Variants in TNRC6B observed in about 807,000 individuals in gnomAD.
TNRC6B encodes trinucleotide repeat-containing gene 6B protein.
In TNRC6B, 52 loss-of-function variants were observed where a neutral mutation model predicts 203.6. That is an observed-to-expected ratio of 0.26 (90% CI 0.20 to 0.32). The LOEUF (loss-of-function observed/expected upper bound fraction) is 0.32, where lower values mean the gene tolerates loss of function less well. Among genes scored for constraint, TNRC6B ranks in the 10% least tolerant of loss-of-function variants. The probability of loss-of-function intolerance (pLI) is 1.00; values close to 1 mark genes in which losing one functional copy is unlikely to be tolerated. For synonymous variants in TNRC6B, 838 were observed against 845.7 expected, an observed-to-expected ratio of 0.99 and a Z score of 0.16; for missense variants, 1,923 against 2,286.2, an observed-to-expected ratio of 0.84 and a Z score of 3.24.
chr22:40,077,881 CAGTA>C (rs1262195834), intron 1 of TNRC6B, among the ~76,000 whole-genome samples: 1 of 152,150 alleles, frequency 6.6e-6, no homozygotes, highest in Non-Finnish European at 1.5e-5. Flanking sequence ...CTTTCTGTGT[CAGTA>C]AGTAGACTTC....
chr22:40,297,888 C>T (rs1362280226), intron 12 of TNRC6B, among the ~76,000 whole-genome samples: 2 of 151,338 alleles, frequency 1.3e-5, no homozygotes, highest in Non-Finnish European at 2.9e-5. Context: ...TTTGGGAGAC[C>T]GAGGCAGGTG....
intron 1 of TNRC6B, among the ~76,000 whole-genome samples, chr22:40,217,237 C>T (rs1643864811): frequency 6.6e-6 from 1 of 152,178 alleles, no homozygotes; most frequent in South Asian, 2.1e-4. Flanking sequence ...TACTTCTTAA[C>T]ACATGTCCTA....
intron 15 of TNRC6B, among the ~76,000 whole-genome samples, chr22:40,302,458 C>A (rs1372527185): frequency 2.0e-5 from 3 of 152,100 alleles, no homozygotes; most frequent in East Asian, 1.9e-4. Flanking sequence ...TGTAGTGAAA[C>A]CCTGTCCCTA....
In TNRC6B at chr22:40,125,413, G is replaced by A. The variant is rs571101518; in HGVS notation, c.-46-359G>A. On this transcript the variant is annotated intron_variant, in intron 2 of 23. Transcript: ENST00000301923. ...GCAGGGGCGGAACAACAGGTGCGCC[G>A]CTTTGCTCACTGCCATACTTTCTTG... 5.9e-5 allele frequency among the ~76,000 whole-genome samples: 9 copies of A among 152,256 alleles called. No homozygotes were observed. In the East Asian group the frequency reaches 1.7e-3, roughly 29 times the overall value.
intron 1 of TNRC6B, among the ~76,000 whole-genome samples, chr22:40,193,738 T>C (rs1322179208): frequency 6.6e-6 from 1 of 152,100 alleles, no homozygotes; most frequent in Non-Finnish European, 1.5e-5. Context: ...GAAGGGTGTT[T>C]GAGGGAGTTC....
At chr22:40,165,756 G>C (rs1213399315) in intron 4 of TNRC6B, among the ~76,000 whole-genome samples, 1 of 152,100 alleles carries the variant, frequency 6.6e-6, no homozygotes, top group African/African-American at 2.4e-5. Context: ...TGAGCAATGG[G>C]GGGGAAAGCT....
chr22:40,265,368 T>C lies in TNRC6B; in HGVS notation c.1138T>C (p.Ser380Pro), dbSNP rs1236092929. ...TDGPKNGNTN[S>P]LNLSSPNPME... The stretch of plus-strand genomic sequence containing the variant: ...TGGACCAAAAAATGGAAACACTAAC[T>C]CCTTGAACTTAAGTTCACCAAACCC... Residue 380 changes from serine to proline, a missense_variant, in exon 5 of 23, where the codon TCC becomes CCC. This residue lies in a region of TNRC6B where 614 missense variants were observed against 587.7 expected (regional missense o/e 1.04). Coordinates refer to ENST00000454349, the MANE Select transcript of TNRC6B (RefSeq NM_001162501.2). 1.9e-6 allele frequency: 3 copies of C among 1,613,918 alleles called. No homozygotes were observed. Among genetic ancestry groups the C allele is most frequent in the Non-Finnish European group, 2.5e-6 (3 of 1,179,876 alleles).
intron 1 of TNRC6B, among the ~76,000 whole-genome samples, chr22:40,061,463 T>C (rs989436673): frequency 4.6e-5 from 7 of 151,956 alleles, no homozygotes; most frequent in African/African-American, 1.7e-4. Context: ...CCTCAGGTGA[T>C]CCACCTGCCT....
At chr22:40,313,038 T>C (rs777247207) in intron 19 of TNRC6B, 41 bp downstream of exon 19, 2 of 1,485,766 alleles carry the variant, frequency 1.3e-6, no homozygotes, top group Admixed American at 1.8e-5. Context: ...GTTAGCACTT[T>C]TTCATCAGGT....
At chr22:40,066,996 G>A (rs1387986210) in intron 1 of TNRC6B, among the ~76,000 whole-genome samples, 1 of 150,448 alleles carries the variant, frequency 6.6e-6, no homozygotes, top group Admixed American at 6.6e-5. Context: ...TTCAACCTCC[G>A]AGGCTCAAGT....
intron 3 of TNRC6B, among the ~76,000 whole-genome samples, chr22:40,132,969 A>AAAAATATATATATATATAT (rs1282694632): frequency 1.3e-5 from 1 of 78,172 alleles, no homozygotes; most frequent in Non-Finnish European, 2.6e-5. Flanking sequence ...AAAAAAAAAA[A>AAAAATATATATATATATAT]ATATATATAT....
intron 1 of TNRC6B, among the ~76,000 whole-genome samples, chr22:40,193,662 G>A (rs2069301151): frequency 6.6e-6 from 1 of 152,138 alleles, no homozygotes; most frequent in South Asian, 2.1e-4. Context: ...TGAGGCATGG[G>A]GAGAGATTTG....
At chr22:40,083,505 G>A (rs936213338) in intron 1 of TNRC6B, among the ~76,000 whole-genome samples, 1 of 152,170 alleles carries the variant, frequency 6.6e-6, no homozygotes, top group African/African-American at 2.4e-5. Flanking sequence ...GTTTGGCTGT[G>A]AAGGGAGCAG....
intron 1 of TNRC6B, among the ~76,000 whole-genome samples, chr22:40,207,421 ATATATATATAT>A (rs1569020950): frequency 0.026 from 2,266 of 86,314 alleles, 44 homozygotes; most frequent in African/African-American, 0.16. Context: ...AAAAAAAAAT[ATATATATATAT>A]ATATATATAT....
intron 3 of TNRC6B, among the ~76,000 whole-genome samples, chr22:40,138,047 A>G (rs575158527): frequency 6.6e-6 from 1 of 152,206 alleles, no homozygotes; most frequent in East Asian, 1.9e-4. Context: ...CAGGCTGTAA[A>G]ATGGAGACAC....
At chr22:40,188,311 A>G (rs1601869363) in intron 1 of TNRC6B, among the ~76,000 whole-genome samples, 2 of 152,104 alleles carry the variant, frequency 1.3e-5, no homozygotes, top group African/African-American at 4.8e-5. Flanking sequence ...TTACTACATG[A>G]TTTCATTTCA....
chr22:40,062,670 G>C (rs1442637270), intron 1 of TNRC6B, among the ~76,000 whole-genome samples: 2 of 152,054 alleles, frequency 1.3e-5, no homozygotes, highest in Non-Finnish European at 2.9e-5. Context: ...TATCCTACTG[G>C]GTAGGAAATG....
At chr22:40,151,105 G>A (rs1268970364) in intron 3 of TNRC6B, among the ~76,000 whole-genome samples, 2 of 152,160 alleles carry the variant, frequency 1.3e-5, no homozygotes, top group East Asian at 1.9e-4. Flanking sequence ...AATGTAGGGA[G>A]CAGAAGAAAA....
At chr22:40,310,775 T>C (rs774144931) in intron 16 of TNRC6B, 42 bp from the exon 17 acceptor site, 5 of 1,567,410 alleles carry the variant, frequency 3.2e-6, no homozygotes, top group Admixed American at 1.9e-5. Flanking sequence ...GTTCTATTCA[T>C]AGGAGTTATT....
Sources: allele counts gnomAD v4.1 joint callset (sites outside exome capture counted in the v4.1 genomes callset), GRCh38; gene constraint gnomAD v4.1.1; regional missense constraint gnomAD v4.1.1; transcripts MANE v1.5; gene names NCBI Gene and HGNC (gene_info 2026-07-23, HGNC 2026-07-21).